Variants in IPO11 observed in about 807,000 individuals in gnomAD.
The protein encoded by IPO11 is importin-11.
Under a neutral mutation model 143.2 loss-of-function variants are expected in IPO11, and 66 were observed. The ratio of observed to expected loss-of-function variants is 0.46; its 90% CI spans 0.38 to 0.57. The LOEUF is 0.57. Among genes scored for constraint, IPO11 ranks in the 20% least tolerant of loss-of-function variants. IPO11 has a pLI of 0.00. For missense variants in IPO11, 1,026 were observed against 1,141.0 expected, an observed-to-expected ratio of 0.90 and a Z score of 1.45; for synonymous variants, 385 against 377.8, an observed-to-expected ratio of 1.02 and a Z score of -0.22.
chr5:62,420,551 G>A (rs150720528), intron 1 of IPO11, among the ~76,000 whole-genome samples: 17 of 151,334 alleles, frequency 1.1e-4, no homozygotes, highest in East Asian at 3.9e-4. Flanking sequence ...GATCACTGTC[G>A]TATATATGTG....
At chr5:62,500,855 T>A (rs1172510248) in intron 16 of IPO11, among the ~76,000 whole-genome samples, 1 of 152,220 alleles carries the variant, frequency 6.6e-6, no homozygotes, top group Non-Finnish European at 1.5e-5. Context: ...TACACCAGCA[T>A]CACCGCAAAT....
intron 18 of IPO11, 134 bp from the exon 19 acceptor site, chr5:62,506,107 A>G: frequency 1.9e-6 from 1 of 520,364 alleles, no homozygotes; most frequent in Middle Eastern, 5.3e-4. Flanking sequence ...TGTTTAGGTA[A>G]TGCCAAGCTT....
intron 3 of IPO11, among the ~76,000 whole-genome samples, chr5:62,446,596 A>T (rs952706663): frequency 2.6e-5 from 4 of 152,170 alleles, no homozygotes; most frequent in Non-Finnish European, 5.9e-5. Flanking sequence ...TTGCACATTT[A>T]AAAAAATTGG....
chr5:62,530,854 A>G, intron 22 of IPO11, 69 bp downstream of exon 22: 1 of 1,157,410 alleles, frequency 8.6e-7, no homozygotes, highest in South Asian at 1.3e-5. Flanking sequence ...TTGAAACATA[A>G]TTTGGAGGCA....
intron 24 of IPO11, among the ~76,000 whole-genome samples, chr5:62,539,359 A>ATCTG (rs1421128574): frequency 1.3e-5 from 2 of 152,154 alleles, no homozygotes; most frequent in South Asian, 2.1e-4. Context: ...TTCTCCTGGT[A>ATCTG]TCTGTCTGTG....
At chr5:62,496,033 T>C (rs1331871459) in intron 16 of IPO11, among the ~76,000 whole-genome samples, 1 of 152,128 alleles carries the variant, frequency 6.6e-6, no homozygotes, top group East Asian at 1.9e-4. Context: ...CTCACGCCTA[T>C]AATCCCAGCA....
At chr5:62,438,934 C>T (rs1171164977) in intron 2 of IPO11, among the ~76,000 whole-genome samples, 1 of 151,998 alleles carries the variant, frequency 6.6e-6, no homozygotes, top group Non-Finnish European at 1.5e-5. Flanking sequence ...TGGCGGGCGC[C>T]TGTAGTCCCA....
chr5:62,483,511 G>C, intron 10 of IPO11: 1 of 415,184 alleles, frequency 2.4e-6, no homozygotes, highest in South Asian at 4.0e-5. Context: ...AGCACAAATT[G>C]GTTGAAGCTT....
chr5:62,590,989 C>G (rs1744988990), intron 27 of IPO11, among the ~76,000 whole-genome samples: 1 of 152,026 alleles, frequency 6.6e-6, no homozygotes, highest in African/African-American at 2.4e-5. Flanking sequence ...TGGCTGTTCC[C>G]AAGTGTGATC....
intron 21 of IPO11, 130 bp downstream of exon 21, chr5:62,526,387 G>A (rs1201107049): frequency 3.2e-6 from 2 of 621,816 alleles, no homozygotes; most frequent in Non-Finnish European, 5.6e-6. Flanking sequence ...CTTCAAACTG[G>A]GGCATATATC....
Position 62,435,130 on chromosome 5 carries a change from A to ATATG in IPO11, c.-6-2141_-6-2140insGTAT, listed in dbSNP as rs1744147927. ...TATATGTATATATGTATATATGTAT[A>ATATG]TATATGTATATATGTATATATGTAT... On this transcript the variant is annotated intron_variant, in intron 1 of 29. Transcript: ENST00000325324. Among the ~76,000 whole-genome samples, 4 of 95,394 alleles carry ATATG rather than the reference A, an allele frequency of 4.2e-5. 1 individual carries two copies. Among genetic ancestry groups the ATATG allele is most frequent in the South Asian group, 5.6e-4 (2 of 3,576 alleles). 62.6% of individuals were successfully genotyped at this position (95,394 alleles called of 152,430 possible). A position where few individuals can be genotyped will look rare whatever the true frequency, so the allele number is the denominator to read the frequency against.
Position 62,489,285 on chromosome 5 carries a change from A to C in IPO11, c.1310-17A>C. ...TATTTGCTTTTACTGATACCTATTTATATATATATTTTTTAGGACCCACAA... is the reference window on the plus strand; with the variant it reads ...TATTTGCTTTTACTGATACCTATTTCTATATATATTTTTTAGGACCCACAA... On this transcript the variant is annotated splice_polypyrimidine_tract_variant and intron_variant, in intron 13 of 29. Transcript: ENST00000325324. The C allele has an allele frequency of 7.1e-7, 1 of 1,399,758 alleles. No individual in the cohort carries two copies. Among genetic ancestry groups the C allele is most frequent in the Non-Finnish European group, 9.7e-7 (1 of 1,031,142 alleles). 86.7% of individuals were successfully genotyped at this position (1,399,758 alleles called of 1,614,324 possible).
At chr5:62,490,015 G>T in intron 14 of IPO11, 100 bp from the exon 15 acceptor site, 1 of 535,194 alleles carries the variant, frequency 1.9e-6, no homozygotes, top group Non-Finnish European at 3.3e-6. Context: ...TCCCTGATTA[G>T]CATATTGTGT....
At chr5:62,589,806 G>A (rs1744945462) in intron 27 of IPO11, among the ~76,000 whole-genome samples, 2 of 152,220 alleles carry the variant, frequency 1.3e-5, no homozygotes, top group African/African-American at 4.8e-5. Context: ...AGACTGAAGT[G>A]TGGCCCCTAG....
At chr5:62,487,892 T>TACTC (rs1365745162) in intron 13 of IPO11, 31 bp downstream of exon 13, 2 of 1,572,632 alleles carry the variant, frequency 1.3e-6, no homozygotes, top group Non-Finnish European at 1.7e-6. Flanking sequence ...AACTTTGAGT[T>TACTC]AATCTCTTTA....
At chr5:62,542,381 T>G (rs1376223446) in intron 24 of IPO11, among the ~76,000 whole-genome samples, 3 of 152,194 alleles carry the variant, frequency 2.0e-5, no homozygotes, top group Non-Finnish European at 4.4e-5. Flanking sequence ...TGCTTTCATT[T>G]TACTGCTATA....
At position 62,627,179 on chromosome 5, in the gene IPO11, C is replaced by T; in HGVS notation, c.2789C>T (p.Thr930Ile). The T allele has an allele frequency of 6.2e-7, 1 of 1,613,942 alleles. No homozygotes were observed. Among genetic ancestry groups the T allele is most frequent in the African/African-American group, 1.3e-5 (1 of 75,052 alleles). Residue 930 changes from threonine (T) to isoleucine (I), a missense_variant, in exon 30 of 30, where the codon ACA becomes ATA. Thr to Ile is a moderately conservative substitution (Grantham distance 89, BLOSUM62 -1). Transcript: ENST00000325324. Reference sequence around the variant, plus strand: ...CTGGCCCTGAAGGACCCTGTTCATACAGTGTCACTGCAGCAGTTCATCTAC... The same window carrying T: ...CTGGCCCTGAAGGACCCTGTTCATATAGTGTCACTGCAGCAGTTCATCTAC... ...KMLALKDPVH[T>I]VSLQQFIYEK...
At chr5:62,563,640 G>A (rs978282765) in intron 27 of IPO11, among the ~76,000 whole-genome samples, 2 of 152,092 alleles carry the variant, frequency 1.3e-5, no homozygotes, top group Non-Finnish European at 2.9e-5. Context: ...TGGGACTCAA[G>A]TCTAAATGTG....
At chr5:62,434,619 G>A (rs1744108300) in intron 1 of IPO11, among the ~76,000 whole-genome samples, 1 of 152,028 alleles carries the variant, frequency 6.6e-6, no homozygotes, top group Non-Finnish European at 1.5e-5. Context: ...TGCTTTAAGT[G>A]TAAAATATAC....
Sources: allele counts gnomAD v4.1 joint callset (sites outside exome capture counted in the v4.1 genomes callset), GRCh38; gene constraint gnomAD v4.1.1; transcripts MANE v1.5; gene names NCBI Gene and HGNC (gene_info 2026-07-23, HGNC 2026-07-21).